Variants in CELF4 observed in about 807,000 individuals in gnomAD.
CELF4 encodes CUGBP Elav-like family member 4, also known as CUG-BP- and ETR-3-like factor 4.
A neutral mutation model predicts 59.9 loss-of-function variants in CELF4; 18 were observed. The ratio of observed to expected loss-of-function variants is 0.30; its 90% confidence interval spans 0.21 to 0.45. CELF4 has a LOEUF of 0.45. CELF4 is among the 20% of genes least tolerant of loss of function. CELF4 has a pLI of 1.00. For missense variants in CELF4, 456 were observed against 689.0 expected, an observed-to-expected ratio of 0.66 and a Z score of 3.79; for synonymous variants, 261 against 267.1, an observed-to-expected ratio of 0.98 and a Z score of 0.22.
chr18:37,334,643 C>T (rs539726767), intron 2 of CELF4, among the ~76,000 whole-genome samples: 2 of 152,098 alleles, frequency 1.3e-5, no homozygotes, highest in Admixed American at 6.5e-5. Flanking sequence ...CCACTCCCCC[C>T]GGACTGTGGA....
intron 2 of CELF4, among the ~76,000 whole-genome samples, chr18:37,398,463 C>T (rs953075669): frequency 6.6e-6 from 1 of 152,216 alleles, no homozygotes; most frequent in Non-Finnish European, 1.5e-5. Flanking sequence ...CCTTGAGGAG[C>T]AGACATCCTG....
intron 1 of CELF4, among the ~76,000 whole-genome samples, chr18:37,549,881 C>T (rs2099982598): frequency 6.6e-6 from 1 of 151,936 alleles, no homozygotes; most frequent in African/African-American, 2.4e-5. Context: ...TCCTGTGATC[C>T]ATACAATTAT....
At chr18:37,297,863 G>T (rs1393241341) in intron 3 of CELF4, among the ~76,000 whole-genome samples, 2 of 152,172 alleles carry the variant, frequency 1.3e-5, no homozygotes, top group Non-Finnish European at 2.9e-5. Context: ...CCTGGGCCAT[G>T]CAAAGGCCCA....
At chr18:37,296,402 C>A (rs1603294374) in intron 3 of CELF4, among the ~76,000 whole-genome samples, 1 of 152,202 alleles carries the variant, frequency 6.6e-6, no homozygotes, top group African/African-American at 2.4e-5. Context: ...TGCCATGTTG[C>A]CCCGGCTGAC....
At chr18:37,323,970 A>G (rs564575172) in intron 2 of CELF4, among the ~76,000 whole-genome samples, 46 of 152,234 alleles carry the variant, frequency 3.0e-4, no homozygotes, top group African/African-American at 1.0e-3. Context: ...TAAGTGGGAA[A>G]AGTACCCATT....
chr18:37,362,976 T>A (rs1157562819), intron 2 of CELF4, among the ~76,000 whole-genome samples: 3 of 152,000 alleles, frequency 2.0e-5, no homozygotes, highest in Non-Finnish European at 4.4e-5. Context: ...CACAGTAGGG[T>A]CTCTCTAGAT....
intron 2 of CELF4, among the ~76,000 whole-genome samples, chr18:37,357,617 G>T (rs2098617317): frequency 6.6e-6 from 1 of 152,156 alleles, no homozygotes; most frequent in Non-Finnish European, 1.5e-5. Flanking sequence ...CTATCTTCCA[G>T]ACCCCAGAAA....
chr18:37,415,870 C>T (rs745966358), intron 2 of CELF4, among the ~76,000 whole-genome samples: 22 of 152,198 alleles, frequency 1.4e-4, no homozygotes, highest in South Asian at 8.3e-4. Flanking sequence ...TTATTCACCA[C>T]GACTACTGCA....
intron 1 of CELF4, among the ~76,000 whole-genome samples, chr18:37,534,423 T>C (rs991064249): frequency 1.3e-5 from 2 of 152,154 alleles, no homozygotes; most frequent in African/African-American, 4.8e-5. Flanking sequence ...CCGGCACCAC[T>C]GCACTAGCCC....
Position 37,314,596 on chromosome 18 carries a change from G to C in CELF4, c.448+7207C>G, listed in dbSNP as rs145963525. Among the ~76,000 whole-genome samples the C allele has an allele frequency of 5.1e-4, 77 of 152,304 alleles. No individual in the cohort carries two copies. In the East Asian group the frequency reaches 0.014, roughly 28 times the overall value. On this transcript the variant is annotated intron_variant, in intron 3 of 12. Transcript: ENST00000420428. Reference sequence around the variant, plus strand: ...TTGGGGAGGGTAGGGGAACATAAAAGATGTTCATTCACCCTCTGAAACGTC... The same window carrying C: ...TTGGGGAGGGTAGGGGAACATAAAACATGTTCATTCACCCTCTGAAACGTC...
intron 3 of CELF4, among the ~76,000 whole-genome samples, chr18:37,299,826 C>A (rs1160755228): frequency 1.3e-5 from 2 of 152,148 alleles, no homozygotes; most frequent in Non-Finnish European, 1.5e-5. Flanking sequence ...TCCCTTCCCC[C>A]TCCAGGGTCC....
chr18:37,376,212 C>T (rs2154567124), intron 2 of CELF4, among the ~76,000 whole-genome samples: 1 of 152,232 alleles, frequency 6.6e-6, no homozygotes, highest in East Asian at 1.9e-4. Context: ...TCCCAAATGG[C>T]AGCCTCCCAC....
At chr18:37,271,015 G>A (rs1170987107) in intron 7 of CELF4, 98 bp from the exon 8 acceptor site, 2 of 1,079,012 alleles carry the variant, frequency 1.9e-6, no homozygotes, top group East Asian at 2.6e-5. Flanking sequence ...CTGTTTCCAA[G>A]GACCTGCGGA....
intron 1 of CELF4, among the ~76,000 whole-genome samples, chr18:37,523,237 G>A (rs148251289): frequency 1.5e-4 from 23 of 152,274 alleles, no homozygotes; most frequent in Admixed American, 1.2e-3. Context: ...TCAGAGGCTC[G>A]TTTGTTGGGC....
At chr18:37,503,012 TC>T (rs1294906153) in intron 1 of CELF4, among the ~76,000 whole-genome samples, 1 of 152,140 alleles carries the variant, frequency 6.6e-6, no homozygotes, top group African/African-American at 2.4e-5. Flanking sequence ...GGTGGGTGCA[TC>T]ATCACACATC....
At chr18:37,492,965 G>A (rs770539410) in intron 1 of CELF4, among the ~76,000 whole-genome samples, 1 of 152,110 alleles carries the variant, frequency 6.6e-6, no homozygotes, top group Admixed American at 6.6e-5. Flanking sequence ...TGACCCTCCT[G>A]CCATCTTCCC....
At chr18:37,444,524 C>A (rs1413982622) in intron 2 of CELF4, among the ~76,000 whole-genome samples, 1 of 151,962 alleles carries the variant, frequency 6.6e-6, no homozygotes, top group African/African-American at 2.4e-5. Flanking sequence ...TCCCACTGCC[C>A]TGCTCTACCC....
chr18:37,266,435 T>C, intron 9 of CELF4, 98 bp downstream of exon 9: 1 of 1,171,636 alleles, frequency 8.5e-7, no homozygotes, highest in Non-Finnish European at 1.2e-6. Flanking sequence ...CCCCACCCCA[T>C]GCAGTGCTGG....
rs2062300457 is a variant in CELF4, at chr18:37,246,701, A to G, written c.*45-1504T>C. Among the ~76,000 whole-genome samples, 1 of 152,200 alleles carries G rather than the reference A, an allele frequency of 6.6e-6. No individual in the cohort carries two copies. Among genetic ancestry groups the G allele is most frequent in the Admixed American group, 6.5e-5 (1 of 15,276 alleles). ...CCCCCAAATTTCTAGAAAAAAATAA[A>G]ATCACAATATTTTCAAGTGCAAGTA... On this transcript the variant is annotated intron_variant, in intron 12 of 12. Coordinates refer to ENST00000420428, the MANE Select transcript of CELF4 (RefSeq NM_020180.4). This position sits in a 1 kb window ranked among gnomAD's most constrained non-coding sequence, Gnocchi z 5.3.
Sources: allele counts gnomAD v4.1 joint callset (sites outside exome capture counted in the v4.1 genomes callset), GRCh38; gene constraint gnomAD v4.1.1; non-coding constraint Gnocchi (gnomAD v3.1); transcripts MANE v1.5; gene names NCBI Gene and HGNC (gene_info 2026-07-23, HGNC 2026-07-21).